CTCFL: variants seen among roughly 807,000 people sequenced by gnomAD.
CTCFL encodes CCCTC-binding factor like, also known as transcriptional repressor CTCFL.
In CTCFL, 36 loss-of-function variants were observed where a neutral mutation model predicts 67.4. The observed-to-expected ratio is 0.53, with a 90% CI of 0.41 to 0.71. The LOEUF (loss-of-function observed/expected upper bound fraction) is 0.71. Among genes scored for constraint, CTCFL ranks in the 30% least tolerant of loss-of-function variants. The pLI, the probability that CTCFL is intolerant of heterozygous loss-of-function variation, is 0.00. For missense variants in CTCFL, 786 were observed against 835.2 expected (o/e 0.94, Z 0.73); for synonymous variants, 324 against 302.3 (o/e 1.07, Z -0.75).
At chr20:57,514,067 G>T (rs1286110591) in intron 7 of CTCFL, among the ~76,000 whole-genome samples, 2 of 152,198 alleles carry the variant, frequency 1.3e-5, no homozygotes, top group Admixed American at 1.3e-4. Context: ...CGGATTACAC[G>T]TTACAGGCCC....
rs143781110 is a variant in CTCFL at position 57,505,915 on chromosome 20, C to T, written c.1675-2314G>A. On this transcript the variant is annotated intron_variant, in intron 9 of 10. Transcript: ENST00000243914. ...GTTGAAATTTGCAAATTATGCGAAA[C>T]ATCCCGCCTGATTCCCATTTTGACT... Among the ~76,000 whole-genome samples the T allele has an allele frequency of 3.8e-3, 574 of 152,334 alleles. 3 individuals carry two copies. The highest frequency in any genetic ancestry group is 0.013 in the African/African-American group (548 of 41,560).
intron 7 of CTCFL, chr20:57,513,776 G>T (rs1459816383): frequency 8.0e-7 from 1 of 1,255,146 alleles, no homozygotes; most frequent in Non-Finnish European, 1.0e-6. Flanking sequence ...GGGCAAAAGG[G>T]TCAAATTTTT....
rs527993052 is a variant in CTCFL at position 57,516,841 on chromosome 20, G to A, written c.1060-1007C>T. 4.2e-4 allele frequency among the ~76,000 whole-genome samples: 64 copies of A among 152,314 alleles called. No homozygotes were observed. In the South Asian group the frequency reaches 0.011, roughly 27 times the overall value. ...CATTTGAGCATTCACTGCCTGACTC[G>A]TTGATTGCCTTCTAGAACTATTCTT... On this transcript the variant is annotated intron_variant, in intron 5 of 10. Coordinates refer to ENST00000243914, the MANE Select transcript of CTCFL (RefSeq NM_001386993.1).
Position 57,514,707 on chromosome 20 carries a change from G to T in CTCFL, c.1215C>A (p.Thr405=), listed in dbSNP as rs867289644. The change falls in exon 7 of 11, where the codon ACC becomes ACA. Residue 405 remains threonine, a synonymous_variant. Transcript: ENST00000243914. ...TCATGGTCCCGCTCTGGGTGAAGCG[G>T]GTGTGGCAGATGTGGCATTCGTAAG... The part of the protein sequence containing the change: ...EKPYECHICH[T]RFTQSGTMKI... The T allele has an allele frequency of 2.5e-6, 4 of 1,614,172 alleles. No individual in the cohort carries two copies. In the Admixed American group the frequency reaches 5.0e-5, roughly 20 times the overall value.
intron 2 of CTCFL, 67 bp downstream of exon 2, chr20:57,523,596 T>C (rs1214273721): frequency 3.9e-6 from 6 of 1,547,818 alleles, no homozygotes; most frequent in East Asian, 2.2e-5. Flanking sequence ...AGACATAATA[T>C]TGCATAAAAG....
intron 9 of CTCFL, chr20:57,506,971 G>A (rs1463162327): frequency 4.1e-6 from 4 of 984,206 alleles, no homozygotes; most frequent in African/African-American, 3.5e-5. Flanking sequence ...GTTTTAAGAA[G>A]AAATATTTTT....
Position 57,498,204 on chromosome 20 carries a change from G to A in CTCFL, c.*346C>T. The A allele has an allele frequency of 1.0e-6, 1 of 1,003,444 alleles. No individual in the cohort carries two copies. The highest frequency in any genetic ancestry group is 1.2e-6 in the Non-Finnish European group (1 of 841,682). 62.2% of individuals were successfully genotyped at this position (1,003,444 alleles called of 1,614,324 possible). On this transcript the variant is annotated 3_prime_UTR_variant, in exon 11 of 11. Coordinates refer to ENST00000243914, the MANE Select transcript of CTCFL (RefSeq NM_001386993.1). Reference sequence around the variant, plus strand: ...CTACTCACTCATTGTGGGCCACCTTGCCAATATCAAGTGAATGAATCCATA... The same window carrying A: ...CTACTCACTCATTGTGGGCCACCTTACCAATATCAAGTGAATGAATCCATA...
chr20:57,515,658 G>T, intron 6 of CTCFL, 56 bp downstream of exon 6: 1 of 1,607,522 alleles, frequency 6.2e-7, no homozygotes, highest in Non-Finnish European at 8.5e-7. Flanking sequence ...ATTTTTTAAA[G>T]CTTGCTTTAA....
intron 7 of CTCFL, chr20:57,513,224 T>A: frequency 1.0e-6 from 1 of 981,510 alleles, no homozygotes; most frequent in Admixed American, 6.1e-5. Flanking sequence ...AGATATAATA[T>A]CTTTATTTTA....
At position 57,516,394 on chromosome 20, in the gene CTCFL, A is replaced by C. The variant is rs996717427; in HGVS notation, c.1060-560T>G. Among the ~76,000 whole-genome samples, 18 of 152,162 alleles carry C rather than the reference A, an allele frequency of 1.2e-4. 1 individual carries two copies. Among genetic ancestry groups the C allele is most frequent in the Admixed American group, 1.2e-3 (18 of 15,280 alleles). On this transcript the variant is annotated intron_variant, in intron 5 of 10. Coordinates refer to ENST00000243914, the MANE Select transcript of CTCFL (RefSeq NM_001386993.1). ...CTCCACCAAAAATTAAAAATGAGCT[A>C]GGTATGGTGGCACACACCTGTGGTC...
chr20:57,499,353 G>A (rs905130069), intron 10 of CTCFL, among the ~76,000 whole-genome samples: 2 of 152,180 alleles, frequency 1.3e-5, no homozygotes, highest in African/African-American at 2.4e-5. Flanking sequence ...AGCGCCAGGC[G>A]TGTATCCATA....
At position 57,523,214 on chromosome 20, in the gene CTCFL, A is replaced by G; in HGVS notation, c.608T>C (p.Val203Ala). 1 of 1,614,058 alleles carries G rather than the reference A, an allele frequency of 6.2e-7. No homozygotes were observed. Among genetic ancestry groups the G allele is most frequent in the Non-Finnish European group, 8.5e-7 (1 of 1,180,018 alleles). ...AERTKEQLFF[V>A]ETMSGDERSD... is the part of the protein sequence containing the mutation. ...TCTTTCATCTCCTGACATTGTTTCCACAAAAAAGAGCTGCTCCTTTGTTCT... is the reference window on the plus strand; with the variant it reads ...TCTTTCATCTCCTGACATTGTTTCCGCAAAAAAGAGCTGCTCCTTTGTTCT... The change falls in exon 3 of 11, where the codon GTG (valine) becomes GCG (alanine). Residue 203 changes from valine to alanine, a missense_variant. Val to Ala is a moderately conservative substitution (Grantham distance 64, BLOSUM62 0). Around this residue, in one of 3 missense-constraint regions of CTCFL, gnomAD observed 333 missense variants for 304.6 expected, o/e 1.09. Coordinates refer to ENST00000243914, the MANE Select transcript of CTCFL (RefSeq NM_001386993.1).
In CTCFL at chr20:57,524,056, C is replaced by G; in HGVS notation, c.150G>C (p.Glu50Asp). Residue 50 changes from glutamate (E) to aspartate (D), a missense_variant, in exon 2 of 11, where the codon GAG becomes GAC. By Grantham distance (45) the Glu-to-Asp change is conservative. Coordinates refer to ENST00000243914, the MANE Select transcript of CTCFL (RefSeq NM_001386993.1). ...TGTCCTGGAAGGCCCCAGAGGTACG[C>G]TCGGCCTCCAACTCACTAGGGCTCC... ...DHRSPSELEAERTSGAFQDSV... is the reference protein window; with the variant it reads ...DHRSPSELEADRTSGAFQDSV... 1 of 1,613,702 alleles carries G rather than the reference C, an allele frequency of 6.2e-7. No homozygotes were observed. The highest frequency in any genetic ancestry group is 8.5e-7 in the Non-Finnish European group (1 of 1,179,996).
Position 57,503,563 on chromosome 20 carries a change from C to T in CTCFL, c.1713G>A (p.Gly571=), listed in dbSNP as rs1374909412. ...LHRHSEKCGS[G]EAKSAASGKG... Reference sequence around the variant, plus strand: ...TTCCTGAAGCAGCCGACTTTGCTTCCCCTGATCCACACTTCTCCGAATGTC... The same window carrying T: ...TTCCTGAAGCAGCCGACTTTGCTTCTCCTGATCCACACTTCTCCGAATGTC... Residue 571 remains glycine (G), a synonymous_variant, in exon 10 of 11, where the codon GGG becomes GGA. Coordinates refer to ENST00000243914, the MANE Select transcript of CTCFL (RefSeq NM_001386993.1). 2 of 1,614,144 alleles carry T rather than the reference C, an allele frequency of 1.2e-6. No homozygotes were observed. Among genetic ancestry groups the T allele is most frequent in the Non-Finnish European group, 1.7e-6 (2 of 1,180,032 alleles).
At chr20:57,523,582 G>C in intron 2 of CTCFL, 81 bp downstream of exon 2, 1 of 1,525,254 alleles carries the variant, frequency 6.6e-7, no homozygotes, top group Non-Finnish European at 8.8e-7. Flanking sequence ...AAAATACCTT[G>C]TCCAGACATA....
At position 57,523,916 on chromosome 20, in the gene CTCFL, A is replaced by G; in HGVS notation, c.290T>C (p.Met97Thr). 6.2e-7 allele frequency: 1 copy of G among 1,613,138 alleles called. No homozygotes were observed. Among genetic ancestry groups the G allele is most frequent in the East Asian group, 2.2e-5 (1 of 44,882 alleles). Residue 97 changes from methionine to threonine, a missense_variant, in exon 2 of 11, where the codon ATG (methionine) becomes ACG (threonine). Physicochemically the swap from Met to Thr is moderately conservative, Grantham distance 81. This residue lies in a region of CTCFL where 333 missense variants were observed against 304.6 expected (regional missense o/e 1.09). Transcript: ENST00000243914. ...FTSEAVELQD[M>T]SLLSIQQQEG... Reference sequence around the variant, plus strand: ...TTGCTGCTGTATGCTCAGCAAGCTCATATCCTGCAACTCCACAGCTTCAGA... The same window carrying G: ...TTGCTGCTGTATGCTCAGCAAGCTCGTATCCTGCAACTCCACAGCTTCAGA...
chr20:57,507,023 T>C, intron 9 of CTCFL: 1 of 985,528 alleles, frequency 1.0e-6, no homozygotes. Context: ...TTTATAAAAC[T>C]TTTATAAAGT....
intron 5 of CTCFL, 198 bp downstream of exon 5, chr20:57,518,560 A>G: frequency 1.4e-6 from 2 of 1,427,284 alleles, no homozygotes; most frequent in Non-Finnish European, 1.9e-6. Flanking sequence ...TTCACTAATT[A>G]GTAATCAAAG....
chr20:57,513,595 T>C, intron 7 of CTCFL: 3 of 1,131,562 alleles, frequency 2.7e-6, no homozygotes, highest in Non-Finnish European at 3.3e-6. Flanking sequence ...AGCAACTGGC[T>C]AGACTTGTGC....
Sources: allele counts gnomAD v4.1 joint callset (sites outside exome capture counted in the v4.1 genomes callset), GRCh38; gene constraint gnomAD v4.1.1; regional missense constraint gnomAD v4.1.1; transcripts MANE v1.5; gene names NCBI Gene and HGNC (gene_info 2026-07-23, HGNC 2026-07-21).